Variants in PASK observed in about 807,000 individuals in gnomAD.
PASK encodes PAS domain-containing serine/threonine-protein kinase.
A neutral mutation model predicts 121.0 loss-of-function variants in PASK; 110 were observed. The observed-to-expected ratio is 0.91, with a 90% CI of 0.78 to 1.06. The LOEUF is 1.06. Ranked by LOEUF, PASK falls within the 50% of genes least tolerant of loss-of-function variation. The probability of loss-of-function intolerance (pLI) is 0.00; values close to 1 mark genes in which losing one functional copy is unlikely to be tolerated. For synonymous variants in PASK, 686 were observed against 717.8 expected (o/e 0.96, Z 0.71); for missense variants, 1,643 against 1,702.3 (o/e 0.97, Z 0.61).
chr2:241,111,621 G>A (rs951057436), intron 15 of PASK, among the ~76,000 whole-genome samples: 1 of 152,082 alleles, frequency 6.6e-6, no homozygotes, highest in African/African-American at 2.4e-5. Flanking sequence ...AGTCCCCCGA[G>A]AGGAGGCCCT....
chr2:241,123,153 T>G (rs967283489), intron 11 of PASK, among the ~76,000 whole-genome samples: 1 of 150,456 alleles, frequency 6.6e-6, no homozygotes, highest in Non-Finnish European at 1.5e-5. Flanking sequence ...TACATGGGCC[T>G]AGGCAGATTT....
rs2064944111 is a variant in PASK at position 241,107,645 on chromosome 2, G to A, written c.3668-146C>T. Reference sequence around the variant, plus strand: ...AACCTCTAGTGCAGGGCCCAGCTGTGCTTGGACAGAAGCTGCAGGAAACAT... The same window carrying A: ...AACCTCTAGTGCAGGGCCCAGCTGTACTTGGACAGAAGCTGCAGGAAACAT... On this transcript the variant is annotated intron_variant, in intron 16 of 17. Transcript: ENST00000234040. 1.1e-5 allele frequency: 8 copies of A among 747,942 alleles called. No homozygotes were observed. The Admixed American group carries it at 1.2e-4, about 12-fold the overall frequency. 46.3% of individuals were successfully genotyped at this position (747,942 alleles called of 1,614,324 possible).
At chr2:241,144,224 C>T (rs998139986) in intron 1 of PASK, among the ~76,000 whole-genome samples, 5 of 152,178 alleles carry the variant, frequency 3.3e-5, no homozygotes, top group Non-Finnish European at 4.4e-5. Context: ...GACCACCCTG[C>T]AGAGTGGAGA....
chr2:241,120,109 T>C (rs1270351539), intron 12 of PASK, among the ~76,000 whole-genome samples: 2 of 152,028 alleles, frequency 1.3e-5, no homozygotes, highest in African/African-American at 4.8e-5. Context: ...GAGAAAATAT[T>C]TGCAAATCAT....
intron 14 of PASK, chr2:241,113,365 C>CATATACATACCTGCATATTT (rs2065184313): frequency 7.0e-6 from 1 of 143,440 alleles, no homozygotes; most frequent in Non-Finnish European, 1.6e-5. Context: ...TATATACAAA[C>CATATACATACCTGCATATTT]ATATACATAC....
chr2:241,136,932 C>T (rs1014822173), intron 7 of PASK, 72 bp downstream of exon 7: 65 of 1,444,474 alleles, frequency 4.5e-5, no homozygotes, highest in Non-Finnish European at 6.2e-5. Flanking sequence ...CTGTGCCACA[C>T]GCAAGCCCGC....
chr2:241,139,040 G>A (rs549868019), intron 4 of PASK, among the ~76,000 whole-genome samples: 7 of 152,282 alleles, frequency 4.6e-5, no homozygotes, highest in Admixed American at 1.3e-4. Flanking sequence ...ATATTGCAGG[G>A]TGAAAAAAGC....
intron 1 of PASK, among the ~76,000 whole-genome samples, chr2:241,145,415 GGGAGAT>G (rs1302769551): frequency 6.6e-6 from 1 of 152,158 alleles, no homozygotes; most frequent in African/African-American, 2.4e-5. Flanking sequence ...CTTGAGCCCA[GGGAGAT>G]GGAGGCCAGC....
upstream of PASK, chr2:241,149,791 T>C: frequency 6.5e-7 from 1 of 1,534,936 alleles, no homozygotes; most frequent in Non-Finnish European, 8.7e-7. Flanking sequence ...GCCGGGTGGC[T>C]CCGCAGGGTA....
intron 11 of PASK, among the ~76,000 whole-genome samples, 162 bp downstream of exon 11, chr2:241,123,787 C>T (rs544877589): frequency 3.8e-4 from 57 of 150,990 alleles, no homozygotes; most frequent in African/African-American, 1.3e-3. Flanking sequence ...CATTGCACTC[C>T]AGCCTGGGGA....
At chr2:241,115,620 C>T (rs1250700401) in intron 12 of PASK, among the ~76,000 whole-genome samples, 1 of 128,420 alleles carries the variant, frequency 7.8e-6, no homozygotes, top group African/African-American at 3.3e-5. Context: ...ACCAGGGACA[C>T]CCAGTCCTCA....
intron 9 of PASK, among the ~76,000 whole-genome samples, chr2:241,132,321 G>C (rs1305718906): frequency 6.6e-6 from 1 of 151,404 alleles, no homozygotes; most frequent in Non-Finnish European, 1.5e-5. Flanking sequence ...TCAGGAAATC[G>C]AGACCATCCT....
intron 1 of PASK, among the ~76,000 whole-genome samples, chr2:241,148,523 G>C (rs1159165304): frequency 6.6e-6 from 1 of 152,212 alleles, no homozygotes; most frequent in Admixed American, 6.5e-5. Context: ...TCCCAGAGAG[G>C]AGTTCAGTAC....
chr2:241,147,123 A>T (rs898834510), intron 1 of PASK, among the ~76,000 whole-genome samples: 2 of 152,226 alleles, frequency 1.3e-5, no homozygotes, highest in Non-Finnish European at 2.9e-5. Context: ...AATTATTGCC[A>T]TAATAAATAA....
chr2:241,132,101 TAC>T (rs1021384064), intron 9 of PASK, among the ~76,000 whole-genome samples: 183 of 142,446 alleles, frequency 1.3e-3, no homozygotes, highest in African/African-American at 4.6e-3. Context: ...GGGTTAAAAA[TAC>T]ACACACACGT....
At chr2:241,113,750 A>G (rs773965411) in intron 14 of PASK, 4 of 985,370 alleles carry the variant, frequency 4.1e-6, no homozygotes, top group Admixed American at 6.1e-5. Flanking sequence ...TGTGCCCTGG[A>G]CTGGCCATGC....
In PASK at chr2:241,127,357, C is replaced by G; in HGVS notation, c.1558G>C (p.Val520Leu). The change falls in exon 10 of 18, where the codon GTG becomes CTG. Residue 520 changes from valine to leucine, a missense_variant. Physicochemically the swap from Val to Leu is conservative, Grantham distance 32 (BLOSUM62 1). Around this residue, in one of 3 missense-constraint regions of PASK, gnomAD observed 1,176 missense variants for 1,162.2 expected, o/e 1.01. Transcript: ENST00000234040. ...QITALGREEP[V>L]AIESPGQDLL... ...TCCTGTCCGGGGCTCTCTATTGCCA[C>G]AGGTTCCTCTCTCCCCAAGGCAGTG... The G allele has an allele frequency of 1.9e-6, 3 of 1,614,206 alleles. No individual in the cohort carries two copies. The highest frequency in any genetic ancestry group is 1.7e-5 in the Admixed American group (1 of 60,030).
intron 10 of PASK, among the ~76,000 whole-genome samples, chr2:241,124,721 T>C (rs1415321553): frequency 6.6e-6 from 1 of 152,264 alleles, no homozygotes; most frequent in African/African-American, 2.4e-5. Context: ...GCCCATTTTA[T>C]TTTCTTCTTG....
At chr2:241,139,503 C>T (rs1257154224) in intron 4 of PASK, 1 of 486,256 alleles carries the variant, frequency 2.1e-6, no homozygotes, top group Admixed American at 2.3e-5. Context: ...CCCGCTCCCA[C>T]AAACACCAAA....
Sources: gnomAD v4.1 joint callset for allele counts (sites outside exome capture counted in the v4.1 genomes callset) on GRCh38, gnomAD v4.1.1 for gene constraint, gnomAD v4.1.1 regional missense constraint, MANE v1.5 for transcripts, NCBI Gene and HGNC (gene_info 2026-07-23, HGNC 2026-07-21) for gene names.